CMSS1: variants seen among roughly 807,000 people sequenced by gnomAD.
CMSS1 encodes the protein cms1 ribosomal small subunit homolog, also known as protein CMSS1.
A neutral mutation model predicts 43.5 loss-of-function variants in CMSS1; 33 were observed. The observed-to-expected ratio is 0.76, with a 90% CI of 0.57 to 1.01. The LOEUF is 1.01. Ranked by LOEUF, CMSS1 falls within the 50% of genes least tolerant of loss-of-function variation. The pLI is 0.00. For synonymous variants in CMSS1, 115 were observed against 117.2 expected, an observed-to-expected ratio of 0.98 and a Z score of 0.12; for missense variants, 313 against 326.4, an observed-to-expected ratio of 0.96 and a Z score of 0.32.
At chr3:100,095,842 A>G (rs916187299) in intron 1 of CMSS1, among the ~76,000 whole-genome samples, 22 of 152,206 alleles carry the variant, frequency 1.4e-4, no homozygotes, top group African/African-American at 5.3e-4. Flanking sequence ...AAACCCACAG[A>G]ACGGGAGAAA....
chr3:99,896,346 G>T (rs904142648), intron 1 of CMSS1, among the ~76,000 whole-genome samples: 2 of 152,164 alleles, frequency 1.3e-5, no homozygotes, highest in Non-Finnish European at 2.9e-5. Flanking sequence ...CACATAATTG[G>T]TATGCTTTTC....
intron 1 of CMSS1, among the ~76,000 whole-genome samples, chr3:99,867,258 T>C (rs1348823186): frequency 6.6e-6 from 1 of 152,184 alleles, no homozygotes; most frequent in Non-Finnish European, 1.5e-5. Context: ...ATTTAGTTTA[T>C]CTATGTGAGA....
intron 1 of CMSS1, among the ~76,000 whole-genome samples, chr3:100,060,857 G>A (rs1486545034): frequency 6.6e-6 from 1 of 152,054 alleles, no homozygotes; most frequent in African/African-American, 2.4e-5. Context: ...GCCAGATCTT[G>A]TCTCGAAAAA....
At chr3:100,146,928 TGAGA>T (rs374983656) in intron 1 of CMSS1, 41 bp from the exon 2 acceptor site, 10 of 1,586,882 alleles carry the variant, frequency 6.3e-6, no homozygotes, top group Non-Finnish European at 7.7e-6. Context: ...GCACTAGCAA[TGAGA>T]GAGAGAGACT....
At chr3:100,029,350 A>T (rs893350258) in intron 1 of CMSS1, among the ~76,000 whole-genome samples, 1 of 152,060 alleles carries the variant, frequency 6.6e-6, no homozygotes, top group Non-Finnish European at 1.5e-5. Flanking sequence ...GATTATGATA[A>T]TTGTTCAATA....
intron 1 of CMSS1, among the ~76,000 whole-genome samples, chr3:99,957,073 C>CT (rs1368601076): frequency 1.5e-4 from 23 of 152,172 alleles, no homozygotes; most frequent in Admixed American, 1.0e-3. Context: ...CTTAACCCTG[C>CT]TTAACATACT....
chr3:99,878,515 A>G (rs1705614776), intron 1 of CMSS1, among the ~76,000 whole-genome samples: 1 of 152,168 alleles, frequency 6.6e-6, no homozygotes. Flanking sequence ...TCTTCTCCTA[A>G]TAGTTTGTTC....
intron 1 of CMSS1, among the ~76,000 whole-genome samples, chr3:100,004,315 T>G (rs1709927044): frequency 6.6e-6 from 1 of 152,206 alleles, no homozygotes; most frequent in Non-Finnish European, 1.5e-5. Context: ...AAGAACATTG[T>G]GTATAATGGT....
At chr3:100,001,282 A>G (rs1709834455) in intron 1 of CMSS1, among the ~76,000 whole-genome samples, 1 of 152,224 alleles carries the variant, frequency 6.6e-6, no homozygotes, top group African/African-American at 2.4e-5. Flanking sequence ...TTATTGGAAC[A>G]TGGCTATACT....
chr3:100,035,662 A>T (rs1418874394), intron 1 of CMSS1, among the ~76,000 whole-genome samples: 1 of 152,240 alleles, frequency 6.6e-6, no homozygotes, highest in Non-Finnish European at 1.5e-5. Flanking sequence ...TGAACCATAG[A>T]AGAGGCAGAA....
intron 1 of CMSS1, among the ~76,000 whole-genome samples, chr3:100,113,538 A>G (rs1371076840): frequency 6.6e-6 from 1 of 152,188 alleles, no homozygotes; most frequent in Non-Finnish European, 1.5e-5. Context: ...AAAAGATACA[A>G]TATAGTTGCC....
At chr3:99,829,471 G>T (rs1341088864) in intron 1 of CMSS1, among the ~76,000 whole-genome samples, 1 of 152,052 alleles carries the variant, frequency 6.6e-6, no homozygotes, top group Non-Finnish European at 1.5e-5. Flanking sequence ...TTAATAGTTG[G>T]GCATATTCAT....
chr3:100,017,944 A>G (rs946917625), intron 1 of CMSS1, among the ~76,000 whole-genome samples: 2 of 152,188 alleles, frequency 1.3e-5, no homozygotes, highest in African/African-American at 4.8e-5. Context: ...CTCAGCCTCC[A>G]TAATTGCCTG....
chr3:100,120,122 T>C (rs1042015003), intron 1 of CMSS1, among the ~76,000 whole-genome samples: 3 of 152,372 alleles, frequency 2.0e-5, no homozygotes, highest in South Asian at 2.1e-4. Context: ...AGCTGTACTC[T>C]CCAGTTTCCA....
chr3:99,983,458 A>G (rs1286077779), intron 1 of CMSS1, among the ~76,000 whole-genome samples: 11 of 16,244 alleles, frequency 6.8e-4, no homozygotes, highest in African/African-American at 2.3e-3. Context: ...ATATATATAT[A>G]TGTGTGTATA....
At chr3:99,823,559 C>T (rs528135807) in intron 1 of CMSS1, among the ~76,000 whole-genome samples, 3 of 152,304 alleles carry the variant, frequency 2.0e-5, no homozygotes, top group Admixed American at 1.3e-4. Flanking sequence ...TTTTTCTTCG[C>T]TCTGCCTCCA....
chr3:99,876,013 T>A, intron 1 of CMSS1: 1 of 979,636 alleles, frequency 1.0e-6, no homozygotes, highest in Non-Finnish European at 1.2e-6. Context: ...ACAGACTTGC[T>A]ACCTGGCTGT....
chr3:100,150,007 C>A (rs1320865889), intron 2 of CMSS1, among the ~76,000 whole-genome samples: 1 of 152,096 alleles, frequency 6.6e-6, no homozygotes, highest in Non-Finnish European at 1.5e-5. Context: ...ACATTCAGGG[C>A]TGGGGTCTGT....
At chr3:99,892,372 G>A (rs1332581790) in intron 1 of CMSS1, among the ~76,000 whole-genome samples, 2 of 152,186 alleles carry the variant, frequency 1.3e-5, no homozygotes, top group East Asian at 3.8e-4. Flanking sequence ...GGTCTAGAAT[G>A]TGAGTAACCA....
Sources: allele counts gnomAD v4.1 joint callset (sites outside exome capture counted in the v4.1 genomes callset), GRCh38; gene constraint gnomAD v4.1.1; transcripts MANE v1.5; gene names NCBI Gene and HGNC (gene_info 2026-07-23, HGNC 2026-07-21).